Variants in OR5B2 observed in about 807,000 individuals in gnomAD.
The protein encoded by OR5B2 is olfactory receptor 5B2.
For missense variants in OR5B2, 411 were observed against 367.0 expected (o/e 1.12, Z -0.98); for synonymous variants, 163 against 140.8 (o/e 1.16, Z -1.11).
intron 2 of OR5B2, among the ~76,000 whole-genome samples, chr11:58,425,902 C>T (rs1465209140): frequency 6.6e-6 from 1 of 152,020 alleles, no homozygotes; most frequent in Non-Finnish European, 1.5e-5. Context: ...CAATGTAAAT[C>T]GTGTGGACTC....
At chr11:58,423,756 A>G (rs1459138871) in intron 2 of OR5B2, among the ~76,000 whole-genome samples, 1 of 152,164 alleles carries the variant, frequency 6.6e-6, no homozygotes, top group Non-Finnish European at 1.5e-5. Flanking sequence ...TCATTTATTC[A>G]TATGTACACA....
chr11:58,423,125 A>C lies in OR5B2; in HGVS notation c.137T>G (p.Leu46Arg), dbSNP rs143455032. ...TLCGNLGMML[L>R]ILMDSCLHTP... ...GTGGAGACAAGAGTCCATCAGGATC[A>C]GCAACATCATCCCCAGGTTCCCACA... The change falls in exon 3 of 3, where the codon CTG (leucine) becomes CGG (arginine). Residue 46 changes from leucine (L) to arginine (R), a missense_variant. Coordinates refer to ENST00000641342, the MANE Select transcript of OR5B2 (RefSeq NM_001005566.3). 6 of 1,613,788 alleles carry C rather than the reference A, an allele frequency of 3.7e-6. No homozygotes were observed. The Middle Eastern group carries it at 5.0e-4, about 133-fold the overall frequency.
chr11:58,422,986 G>T lies in OR5B2; in HGVS notation c.276C>A (p.Tyr92Ter). ...AGAACATCTGAACAGCACATGCATT[G>T]TAGGAGATGACCTTGTCTCCTCTAA... ...GFLRGDKVIS[Y>*]NACAVQMFFF... The change falls in exon 3 of 3, where the codon TAC (tyrosine) becomes TAA (stop). Residue 92 changes from tyrosine to a stop codon, truncating the protein, a stop_gained. Coordinates refer to ENST00000641342, the MANE Select transcript of OR5B2 (RefSeq NM_001005566.3). LOFTEE classifies it low-confidence loss of function (END_TRUNC). 6.2e-7 allele frequency: 1 copy of T among 1,613,884 alleles called. No individual in the cohort carries two copies. The highest frequency in any genetic ancestry group is 8.5e-7 in the Non-Finnish European group (1 of 1,179,858).
At chr11:58,426,541 ATGTT>A (rs1855340521) in intron 2 of OR5B2, 77 bp downstream of exon 2, 1 of 152,124 alleles carries the variant, frequency 6.6e-6, no homozygotes, top group South Asian at 2.1e-4. Flanking sequence ...CAATGGGAAA[ATGTT>A]TGCCCTTGAA....
intron 2 of OR5B2, among the ~76,000 whole-genome samples, chr11:58,423,857 G>A (rs1855310601): frequency 6.6e-6 from 1 of 152,176 alleles, no homozygotes; most frequent in Non-Finnish European, 1.5e-5. Flanking sequence ...TGAATTTGAA[G>A]CAATTTACAA....
chr11:58,422,697 C>T lies in OR5B2; in HGVS notation c.565G>A (p.Asp189Asn). The T allele has an allele frequency of 6.2e-7, 1 of 1,613,630 alleles. No homozygotes were observed. Among genetic ancestry groups the T allele is most frequent in the Non-Finnish European group, 8.5e-7 (1 of 1,179,780 alleles). The change falls in exon 3 of 3, where the codon GAT (aspartate) becomes AAT (asparagine). Residue 189 changes from aspartate to asparagine, a missense_variant. By Grantham distance (23) the Asp-to-Asn change is conservative (BLOSUM62 1). Coordinates refer to ENST00000641342, the MANE Select transcript of OR5B2 (RefSeq NM_001005566.3). ...AGAATCACCTCACTAGTGTGTTTAT[C>T]AGAGCAAGACAGAGCCATGACTGCT... ...VPAVMALSCS[D>N]KHTSEVILVF...
At chr11:58,427,708 G>A (rs1323351654) in intron 1 of OR5B2, among the ~76,000 whole-genome samples, 1 of 152,148 alleles carries the variant, frequency 6.6e-6, no homozygotes, top group Non-Finnish European at 1.5e-5. Context: ...ATGGAAAACT[G>A]TGAATCAGTC....
rs746568992 is a variant in OR5B2 at position 58,422,685 on chromosome 11, T to C, written c.577A>G (p.Ser193Gly). The C allele has an allele frequency of 6.2e-7, 1 of 1,613,490 alleles. No individual in the cohort carries two copies. The highest frequency in any genetic ancestry group is 1.1e-5 in the South Asian group (1 of 91,062). The change falls in exon 3 of 3, where the codon AGT becomes GGT. Residue 193 changes from serine (S) to glycine (G), a missense_variant. Physicochemically the swap from Ser to Gly is moderately conservative, Grantham distance 56. Transcript: ENST00000641342. ...GACATAAAAACCAGAATCACCTCAC[T>C]AGTGTGTTTATCAGAGCAAGACAGA... ...MALSCSDKHT[S>G]EVILVFMSSF... is the part of the protein sequence containing the mutation.
chr11:58,423,155 G>C lies in OR5B2; in HGVS notation c.107C>G (p.Thr36Ser). ...CATCATCCCCAGGTTCCCACACAGA[G>C]TGAGGAGGTAGATGAAGGTGAACAA... ...FILFTFIYLL[T>S]LCGNLGMMLL... is the part of the protein sequence containing the mutation. The change falls in exon 3 of 3, where the codon ACT (threonine) becomes AGT (serine). Residue 36 changes from threonine (T) to serine (S), a missense_variant. Physicochemically the swap from Thr to Ser is moderately conservative, Grantham distance 58. Transcript: ENST00000641342. The C allele has an allele frequency of 6.2e-7, 1 of 1,613,692 alleles. No individual in the cohort carries two copies. Among genetic ancestry groups the C allele is most frequent in the Non-Finnish European group, 8.5e-7 (1 of 1,179,738 alleles).
At position 58,423,271 on chromosome 11, in the gene OR5B2, C is replaced by T; in HGVS notation, c.-10G>A. On this transcript the variant is annotated 5_prime_UTR_variant, in exon 3 of 3. Coordinates refer to ENST00000641342, the MANE Select transcript of OR5B2 (RefSeq NM_001005566.3). ...CCGTACAATTCTCCATCAGTATTAT[C>T]TGAGAAACTTAAGATGACCTGTAGC... 1 of 1,535,734 alleles carries T rather than the reference C, an allele frequency of 6.5e-7. No homozygotes were observed. Among genetic ancestry groups the T allele is most frequent in the Non-Finnish European group, 8.8e-7 (1 of 1,130,930 alleles).
rs985018705 is a variant in OR5B2, at chr11:58,421,628, A to C, written c.*704T>G. 2 of 152,118 alleles carry C rather than the reference A, an allele frequency of 1.3e-5. No individual in the cohort carries two copies. Among genetic ancestry groups the C allele is most frequent in the African/African-American group, 4.8e-5 (2 of 41,440 alleles). The allele number at this position is 152,118 out of a possible 1,614,324, so 9.4% of individuals were successfully genotyped here. On this transcript the variant is annotated 3_prime_UTR_variant, in exon 3 of 3. Coordinates refer to ENST00000641342, the MANE Select transcript of OR5B2 (RefSeq NM_001005566.3). Reference sequence around the variant, plus strand: ...AATAGATGTCATTATACATTTATTCAAATCCATAGAAGGGACAACAGCAAG... The same window carrying C: ...AATAGATGTCATTATACATTTATTCCAATCCATAGAAGGGACAACAGCAAG...
In OR5B2 at chr11:58,422,119, A is replaced by T. The variant is rs1855280637; in HGVS notation, c.*213T>A. 1 of 413,626 alleles carries T rather than the reference A, an allele frequency of 2.4e-6. No individual in the cohort carries two copies. Among genetic ancestry groups the T allele is most frequent in the African/African-American group, 2.0e-5 (1 of 49,450 alleles). The allele number at this position is 413,626 out of a possible 1,614,324, so 25.6% of individuals were successfully genotyped here. On this transcript the variant is annotated 3_prime_UTR_variant, in exon 3 of 3. Transcript: ENST00000641342. ...TAAGTTTTGACCAGCAAGTTCCAAA[A>T]ATTCTAACATTTCCATTTAGCCTTC...
At chr11:58,427,957 C>A (rs1163506616) in intron 1 of OR5B2, 62 bp downstream of exon 1, 1 of 152,236 alleles carries the variant, frequency 6.6e-6, no homozygotes, top group East Asian at 1.9e-4. Flanking sequence ...AGGAACCTGC[C>A]AGCTAGCATT....
In OR5B2 at chr11:58,422,401, G is replaced by C; in HGVS notation, c.861C>G (p.Val287=). Residue 287 remains valine (V), a synonymous_variant, in exon 3 of 3, where the codon GTC becomes GTG. Transcript: ENST00000641342. ...GGACTTCTCTGTTCCTCAGGCTGTA[G>C]ACCACAGGGTTCAGCATGGGGATGA... is the stretch of plus-strand genomic sequence containing the variant. ...AMIIPMLNPV[V]YSLRNREVQN... The C allele has an allele frequency of 6.2e-7, 1 of 1,613,552 alleles. No individual in the cohort carries two copies. Among genetic ancestry groups the C allele is most frequent in the Non-Finnish European group, 8.5e-7 (1 of 1,179,680 alleles).
At position 58,422,502 on chromosome 11, in the gene OR5B2, T is replaced by C. The variant is rs779236671; in HGVS notation, c.760A>G (p.Ile254Val). 6.2e-6 allele frequency: 10 copies of C among 1,613,626 alleles called. No individual in the cohort carries two copies. The East Asian group carries it at 1.8e-4, about 29-fold the overall frequency. ...TAVSVFYGTVIFIYLQPSSSH... is the reference protein window; with the variant it reads ...TAVSVFYGTVVFIYLQPSSSH... ...GAGCTGGGCTGCAAGTAGATGAAGA[T>C]TACTGTCCCATAGAAGACGGAGACT... The change falls in exon 3 of 3, where the codon ATC becomes GTC. Residue 254 changes from isoleucine (I) to valine (V), a missense_variant. Transcript: ENST00000641342.
At chr11:58,427,351 T>C (rs1855349991) in intron 1 of OR5B2, among the ~76,000 whole-genome samples, 1 of 152,216 alleles carries the variant, frequency 6.6e-6, no homozygotes, top group Non-Finnish European at 1.5e-5. Flanking sequence ...TTAACTTTCC[T>C]GGCAGAAATC....
chr11:58,422,459 G>C lies in OR5B2; in HGVS notation c.803C>G (p.Thr268Arg), dbSNP rs999948398. The change falls in exon 3 of 3, where the codon ACA becomes AGA. Residue 268 changes from threonine (T) to arginine (R), a missense_variant. By Grantham distance (71) the Thr-to-Arg change is moderately conservative. Transcript: ENST00000641342. ...LQPSSSHSMD[T>R]DKMASVFYAM... is the part of the protein sequence containing the mutation. ...ATAGAACACAGATGCCATTTTGTCT[G>C]TGTCCATGGAGTGGCTGGAGCTGGG... The C allele has an allele frequency of 1.2e-6, 2 of 1,613,716 alleles. No homozygotes were observed. Among genetic ancestry groups the C allele is most frequent in the Non-Finnish European group, 1.7e-6 (2 of 1,179,810 alleles).
At position 58,422,816 on chromosome 11, in the gene OR5B2, C is replaced by A. The variant is rs774750064; in HGVS notation, c.446G>T (p.Cys149Phe). 1 of 1,613,640 alleles carries A rather than the reference C, an allele frequency of 6.2e-7. No homozygotes were observed. Among genetic ancestry groups the A allele is most frequent in the Non-Finnish European group, 8.5e-7 (1 of 1,179,862 alleles). Residue 149 changes from cysteine to phenylalanine, a missense_variant, in exon 3 of 3, where the codon TGT becomes TTT. Cys to Phe is a radical substitution (Grantham distance 205). Coordinates refer to ENST00000641342, the MANE Select transcript of OR5B2 (RefSeq NM_001005566.3). ...GACLALGSYV[C>F]GFLNASFHIG... is the part of the protein sequence containing the mutation. ...GTGGAATGAGGCATTTAGGAAGCCA[C>A]AGACATATGAGCCTAGGGCCAGACA...
At chr11:58,427,157 G>C (rs939857139) in intron 1 of OR5B2, among the ~76,000 whole-genome samples, 2 of 152,142 alleles carry the variant, frequency 1.3e-5, no homozygotes, top group Admixed American at 1.3e-4. Context: ...CGTACATAAA[G>C]TTCTCAGGGG....
Sources: gnomAD v4.1 joint callset for allele counts (sites outside exome capture counted in the v4.1 genomes callset) on GRCh38, gnomAD v4.1.1 for gene constraint, MANE v1.5 for transcripts, NCBI Gene and HGNC (gene_info 2026-07-23, HGNC 2026-07-21) for gene names.